SAXO3: variants seen among roughly 807,000 people sequenced by gnomAD.
SAXO3 encodes the protein stabilizer of axonemal microtubules 3, also known as CTB-60B18.10.
At chr19:49,020,472 G>T in the SAXO3 span, 38 of 399,076 alleles carry the variant, frequency 9.5e-5, no homozygotes, top group Non-Finnish European at 3.5e-5. Flanking sequence ...AGGTACCTCG[G>T]TTGCAGAGAT....
the SAXO3 span, chr19:49,018,364 G>A: frequency 1.3e-5 from 16 of 1,212,990 alleles, no homozygotes; most frequent in Non-Finnish European, 1.5e-5. Flanking sequence ...GCGGGATGGT[G>A]AGGATACAGC....
the SAXO3 span, among the ~76,000 whole-genome samples, chr19:49,018,677 GA>G: frequency 3.3e-5 from 5 of 151,954 alleles, no homozygotes; most frequent in Admixed American, 1.3e-4. Flanking sequence ...CGCGGTTCCT[GA>G]GAGGTGACAC....
the SAXO3 span, chr19:49,018,768 C>A: frequency 2.0e-6 from 2 of 1,014,114 alleles, no homozygotes; most frequent in East Asian, 2.6e-5. Context: ...GAAGTCGAGG[C>A]TGAGACCACC....
the SAXO3 span, chr19:49,019,646 C>T: frequency 1.6e-6 from 2 of 1,265,428 alleles, no homozygotes; most frequent in Non-Finnish European, 2.0e-6. Flanking sequence ...CACCCAGACA[C>T]CTGGGAAGGA....
At chr19:49,020,533 G>T in the SAXO3 span, 9 of 398,594 alleles carry the variant, frequency 2.3e-5, no homozygotes, top group Non-Finnish European at 4.0e-5. Flanking sequence ...CCCCCACTCC[G>T]TAGCCAAGCA....
the SAXO3 span, chr19:49,018,854 G>T: frequency 5.9e-6 from 9 of 1,526,742 alleles, no homozygotes; most frequent in South Asian, 3.6e-5. Context: ...AGGCGGTGCC[G>T]AGCGAGAGCC....
At chr19:49,018,320 G>A in the SAXO3 span, 5 of 1,215,646 alleles carry the variant, frequency 4.1e-6, no homozygotes, top group Non-Finnish European at 5.1e-6. Flanking sequence ...GTCCTTGCGG[G>A]GGTATCCGGA....
the SAXO3 span, chr19:49,018,192 C>T: frequency 4.5e-6 from 2 of 449,328 alleles, no homozygotes; most frequent in Non-Finnish European, 7.3e-6. Flanking sequence ...ACCGGGCTGA[C>T]GCGCGGCACG....
At chr19:49,018,900 G>A in the SAXO3 span, 2 of 1,534,444 alleles carry the variant, frequency 1.3e-6, no homozygotes, top group Non-Finnish European at 1.7e-6. Context: ...GTCCCGCGCC[G>A]AGGTGGTCAG....
the SAXO3 span, chr19:49,018,958 G>C: frequency 2.0e-6 from 3 of 1,534,110 alleles, no homozygotes; most frequent in East Asian, 4.9e-5. Flanking sequence ...ACTGTGAAAG[G>C]CCGGCCAGAC....
At chr19:49,020,303 A>G in the SAXO3 span, 1 of 430,958 alleles carries the variant, frequency 2.3e-6, no homozygotes, top group East Asian at 3.5e-5. Flanking sequence ...CCAAGCTCCC[A>G]ATCCGCTTTA....
chr19:49,018,792 G>A, the SAXO3 span: 1 of 1,245,562 alleles, frequency 8.0e-7, no homozygotes, highest in East Asian at 2.5e-5. Context: ...TCAGGGAATG[G>A]GAGCCAGCCC....
At chr19:49,019,297 T>C in the SAXO3 span, 1 of 1,207,518 alleles carries the variant, frequency 8.3e-7, no homozygotes, top group Non-Finnish European at 1.0e-6. Flanking sequence ...CTGGTTCCGC[T>C]CTGTCTTAAA....
chr19:49,019,664 G>T, the SAXO3 span: 2 of 1,255,240 alleles, frequency 1.6e-6, no homozygotes, highest in Non-Finnish European at 2.0e-6. Context: ...GGACCCCCGC[G>T]GTGGTGGTCT....
chr19:49,019,713 G>T, the SAXO3 span: 1 of 1,175,556 alleles, frequency 8.5e-7, no homozygotes, highest in Non-Finnish European at 1.1e-6. Flanking sequence ...ATTCCGGGGC[G>T]CGCGGGTCCC....
At chr19:49,019,735 C>G in the SAXO3 span, 1 of 1,178,166 alleles carries the variant, frequency 8.5e-7, no homozygotes, top group East Asian at 3.1e-5. Flanking sequence ...GCTGGGAGAG[C>G]CAGTGTACTG....
At chr19:49,020,316 T>C in the SAXO3 span, 4 of 422,776 alleles carry the variant, frequency 9.5e-6, no homozygotes, top group African/African-American at 8.2e-5. Context: ...CCGCTTTATT[T>C]AGCCCCTATC....
At chr19:49,018,974 G>A in the SAXO3 span, 2 of 1,533,476 alleles carry the variant, frequency 1.3e-6, no homozygotes, top group African/African-American at 1.4e-5. Context: ...CAGACAGCTC[G>A]GGGTTCTTCG....
the SAXO3 span, chr19:49,019,820 C>T: frequency 7.9e-7 from 1 of 1,259,506 alleles, no homozygotes; most frequent in East Asian, 2.9e-5. Context: ...TGCGGAAAGG[C>T]GACCCAGAGA....
Sources: gnomAD v4.1 joint callset for allele counts (sites outside exome capture counted in the v4.1 genomes callset) on GRCh38, gnomAD v4.1.1 for gene constraint, MANE v1.5 for transcripts, NCBI Gene and HGNC (gene_info 2026-07-23, HGNC 2026-07-21) for gene names.